Variants in DAAM1 observed in about 807,000 individuals in gnomAD.
The protein encoded by DAAM1 is dishevelled associated activator of morphogenesis 1, also known as disheveled-associated activator of morphogenesis 1.
In DAAM1, 52 loss-of-function variants were observed where a neutral mutation model predicts 130.0. That is an observed-to-expected ratio of 0.40 (90% confidence interval 0.32 to 0.50). The LOEUF is 0.50. Among genes scored for constraint, DAAM1 ranks in the 20% least tolerant of loss-of-function variants. The pLI is 0.61. For missense variants in DAAM1, 1,134 were observed against 1,303.8 expected, an observed-to-expected ratio of 0.87 and a Z score of 2.01; for synonymous variants, 452 against 444.5, an observed-to-expected ratio of 1.02 and a Z score of -0.21.
chr14:59,243,871 C>A (rs1881235515), intron 1 of DAAM1, among the ~76,000 whole-genome samples: 1 of 152,208 alleles, frequency 6.6e-6, no homozygotes, highest in Non-Finnish European at 1.5e-5. Flanking sequence ...AAGTTCCAAA[C>A]ATTAGCATCC....
At chr14:59,201,309 T>C (rs1888097871) in intron 1 of DAAM1, among the ~76,000 whole-genome samples, 1 of 152,096 alleles carries the variant, frequency 6.6e-6, no homozygotes, top group Non-Finnish European at 1.5e-5. Context: ...GCTGGTTAAG[T>C]GCACAGCTTT....
chr14:59,272,980 G>C lies in DAAM1; in HGVS notation c.183+9320G>C, dbSNP rs558165410. On this transcript the variant is annotated intron_variant, in intron 2 of 24. Coordinates refer to ENST00000360909, the MANE Select transcript of DAAM1 (RefSeq NM_001270520.2). ...GGCTGATATTGACATAAGTGGTTTT[G>C]CTTGCTGATATCTGCTGTACTTCTG... Among the ~76,000 whole-genome samples, 14 of 152,006 alleles carry C rather than the reference G, an allele frequency of 9.2e-5. No individual in the cohort carries two copies. The South Asian group carries it at 2.9e-3, about 32-fold the overall frequency.
chr14:59,208,467 G>A (rs557331291), intron 1 of DAAM1, among the ~76,000 whole-genome samples: 21 of 152,242 alleles, frequency 1.4e-4, no homozygotes, highest in Non-Finnish European at 2.5e-4. Context: ...TTGCAGTTTC[G>A]ATGTGGCAGC....
chr14:59,343,557 A>G (rs1885935221), intron 16 of DAAM1, among the ~76,000 whole-genome samples: 1 of 152,204 alleles, frequency 6.6e-6, no homozygotes, highest in African/African-American at 2.4e-5. Flanking sequence ...CATTACACCA[A>G]AGTTCACCAC....
chr14:59,344,212 G>A (rs184226563), intron 16 of DAAM1, among the ~76,000 whole-genome samples: 3 of 152,162 alleles, frequency 2.0e-5, no homozygotes, highest in Non-Finnish European at 4.4e-5. Context: ...CTACTCTAAA[G>A]TAGGGGGATT....
At chr14:59,306,078 T>C (rs1178350806) in intron 3 of DAAM1, among the ~76,000 whole-genome samples, 1 of 64,430 alleles carries the variant, frequency 1.6e-5, no homozygotes, top group Non-Finnish European at 4.7e-5. Context: ...AACACTTGAC[T>C]GTTGTTTTTT....
intron 1 of DAAM1, among the ~76,000 whole-genome samples, chr14:59,249,760 A>G (rs1392525720): frequency 2.0e-5 from 3 of 152,194 alleles, no homozygotes; most frequent in Non-Finnish European, 4.4e-5. Flanking sequence ...CCCTTTAAAG[A>G]TAGAACTTCA....
intron 3 of DAAM1, among the ~76,000 whole-genome samples, chr14:59,308,129 T>A (rs1884441842): frequency 1.3e-5 from 2 of 152,212 alleles, no homozygotes; most frequent in Non-Finnish European, 2.9e-5. Flanking sequence ...ATAGAAATCT[T>A]CCCTCTCAGT....
rs1051669463 is a variant in DAAM1, at chr14:59,305,704, A to T, written c.274-9576A>T. Among the ~76,000 whole-genome samples, 3 of 152,146 alleles carry T rather than the reference A, an allele frequency of 2.0e-5. No homozygotes were observed. The East Asian group carries it at 5.8e-4, about 29-fold the overall frequency. On this transcript the variant is annotated intron_variant, in intron 3 of 24. Transcript: ENST00000360909. ...TGGAGCAGAGGGCTCCTGAACCCTT[A>T]CAGAAATGCGGTGATATTGTTGCTC...
chr14:59,266,252 GA>G (rs36021446), intron 2 of DAAM1: 22,706 of 142,620 alleles, frequency 0.16, 2,254 homozygotes, highest in East Asian at 0.32. Flanking sequence ...TTAAAAAAAG[GA>G]AAAAAAAAAA....
At chr14:59,250,456 G>A (rs573138236) in intron 1 of DAAM1, among the ~76,000 whole-genome samples, 2 of 152,296 alleles carry the variant, frequency 1.3e-5, no homozygotes, top group East Asian at 3.9e-4. Flanking sequence ...TTATGGGCAT[G>A]GGTTTCAAGT....
intron 19 of DAAM1, 128 bp downstream of exon 19, chr14:59,354,092 G>A (rs1339516059): frequency 4.7e-5 from 41 of 872,580 alleles, no homozygotes; most frequent in Admixed American, 1.5e-4. Flanking sequence ...ACGGAGTCTT[G>A]CACAGTTGCC....
At chr14:59,296,245 A>G (rs1339038800) in intron 3 of DAAM1, among the ~76,000 whole-genome samples, 1 of 152,218 alleles carries the variant, frequency 6.6e-6, no homozygotes, top group African/African-American at 2.4e-5. Context: ...TATCTGTCTT[A>G]TCTACATAGT....
chr14:59,335,915 A>G (rs1378971980), intron 15 of DAAM1, among the ~76,000 whole-genome samples: 2 of 152,130 alleles, frequency 1.3e-5, no homozygotes, highest in African/African-American at 4.8e-5. Flanking sequence ...TTCTATAGGT[A>G]TAATTTTCAC....
chr14:59,318,480 G>A (rs777543438), intron 4 of DAAM1, among the ~76,000 whole-genome samples: 1 of 148,516 alleles, frequency 6.7e-6, no homozygotes, highest in African/African-American at 2.5e-5. Context: ...CACAAGGCCT[G>A]TGCATACTAG....
intron 3 of DAAM1, among the ~76,000 whole-genome samples, chr14:59,296,972 G>A (rs1883978069): frequency 6.6e-6 from 1 of 151,038 alleles, no homozygotes; most frequent in Non-Finnish European, 1.5e-5. Flanking sequence ...CTGAGAAAGA[G>A]AGAGTAAGAT....
chr14:59,275,156 A>C (rs1882909167), intron 2 of DAAM1, among the ~76,000 whole-genome samples: 1 of 152,186 alleles, frequency 6.6e-6, no homozygotes, highest in Non-Finnish European at 1.5e-5. Flanking sequence ...ACAGGGACTT[A>C]GGGTACCTTT....
chr14:59,217,796 C>A (rs1888634130), intron 1 of DAAM1, among the ~76,000 whole-genome samples: 1 of 151,884 alleles, frequency 6.6e-6, no homozygotes, highest in Non-Finnish European at 1.5e-5. Flanking sequence ...TATGGTGAAA[C>A]TCTGTCTGTA....
At chr14:59,333,085 T>A (rs1885503027) in intron 15 of DAAM1, among the ~76,000 whole-genome samples, 1 of 152,212 alleles carries the variant, frequency 6.6e-6, no homozygotes, top group African/African-American at 2.4e-5. Context: ...GGGTTTCTTG[T>A]TTCATTTTGT....
Sources: gnomAD v4.1 joint callset for allele counts (sites outside exome capture counted in the v4.1 genomes callset) on GRCh38, gnomAD v4.1.1 for gene constraint, MANE v1.5 for transcripts, NCBI Gene and HGNC (gene_info 2026-07-23, HGNC 2026-07-21) for gene names.